The following BTAF1 variants were observed in gnomAD, a reference collection of about 807,000 sequenced individuals.
The protein encoded by BTAF1 is TATA-binding protein-associated factor 172.
In BTAF1, 38 loss-of-function variants were observed where a neutral mutation model predicts 227.1. That is an observed-to-expected ratio of 0.17 (90% CI 0.13 to 0.22). The LOEUF (loss-of-function observed/expected upper bound fraction) is 0.22. Among genes scored for constraint, BTAF1 ranks in the 10% least tolerant of loss-of-function variants. The probability of loss-of-function intolerance (pLI) is 1.00; values close to 1 mark genes in which losing one functional copy is unlikely to be tolerated. For missense variants in BTAF1, 1,598 were observed against 2,204.0 expected, an observed-to-expected ratio of 0.73 and a Z score of 5.51; for synonymous variants, 742 against 751.9, an observed-to-expected ratio of 0.99 and a Z score of 0.21.
chr10:91,973,920 A>G (rs1003202675), intron 14 of BTAF1, among the ~76,000 whole-genome samples: 1 of 151,528 alleles, frequency 6.6e-6, no homozygotes, highest in Non-Finnish European at 1.5e-5. Flanking sequence ...AAAAAAAAAA[A>G]AAAGAAACTT....
At chr10:91,947,893 C>T (rs1208734144) in intron 4 of BTAF1, among the ~76,000 whole-genome samples, 1 of 152,084 alleles carries the variant, frequency 6.6e-6, no homozygotes, top group East Asian at 1.9e-4. Context: ...TTATACTTGA[C>T]AGAATACAAG....
intron 1 of BTAF1, among the ~76,000 whole-genome samples, chr10:91,934,759 C>T (rs1844492985): frequency 6.6e-6 from 1 of 152,170 alleles, no homozygotes; most frequent in African/African-American, 2.4e-5. Flanking sequence ...TAAATATACT[C>T]TCCCTTCTCT....
rs1402747298 is a variant in BTAF1 at position 92,031,262 on chromosome 10, T to G, written c.*2329T>G. Among the ~76,000 whole-genome samples the G allele has an allele frequency of 6.6e-6, 1 of 152,182 alleles. No individual in the cohort carries two copies. Among genetic ancestry groups the G allele is most frequent in the Non-Finnish European group, 1.5e-5 (1 of 68,028 alleles). On this transcript the variant is annotated 3_prime_UTR_variant, in exon 38 of 38. Transcript: ENST00000265990. The stretch of plus-strand genomic sequence containing the variant: ...TATAATTTTTGTTTCATATATTCAC[T>G]CATATATATGCTTATTGTATATGCT...
chr10:92,009,184 C>A lies in BTAF1; in HGVS notation c.4079C>A (p.Thr1360Asn). The A allele has an allele frequency of 6.2e-7, 1 of 1,614,030 alleles. No homozygotes were observed. Among genetic ancestry groups the A allele is most frequent in the Non-Finnish European group, 8.5e-7 (1 of 1,179,950 alleles). Residue 1360 changes from threonine to asparagine, a missense_variant, in exon 28 of 38, where the codon ACT becomes AAT. This residue lies in a region of BTAF1 where 184 missense variants were observed against 341.1 expected (regional missense o/e 0.54). Transcript: ENST00000265990. ...GAATATCTCAACCCGTTGCATTACA[C>A]TGGACCTCCCACTGAAAGAATAAGG... Reference protein sequence around the residue: ...SREYLNPLHYTGPPTERIRLQ... With the variant: ...SREYLNPLHYNGPPTERIRLQ...
At chr10:91,951,259 T>C in intron 4 of BTAF1, 144 bp from the exon 5 acceptor site, 1 of 788,964 alleles carries the variant, frequency 1.3e-6, no homozygotes, top group Non-Finnish European at 1.9e-6. Context: ...ACAGAGTTTA[T>C]GAGATGATCA....
At chr10:91,981,956 A>T in intron 16 of BTAF1, 127 bp from the exon 17 acceptor site, 2 of 1,357,046 alleles carry the variant, frequency 1.5e-6, no homozygotes, top group Middle Eastern at 2.4e-4. Context: ...AGTAATGTTT[A>T]TCCATTAAAA....
At chr10:91,956,717 C>T (rs1167944280) in intron 7 of BTAF1, 60 bp downstream of exon 7, 92 of 1,540,692 alleles carry the variant, frequency 6.0e-5, no homozygotes, top group Non-Finnish European at 7.8e-5. Flanking sequence ...GGGCCAGCAG[C>T]GGTGGCTCAC....
intron 26 of BTAF1, 134 bp downstream of exon 26, chr10:92,008,409 T>TGATTC: frequency 3.5e-6 from 3 of 861,930 alleles, no homozygotes; most frequent in Non-Finnish European, 3.4e-6. Context: ...AGTGGCAGAA[T>TGATTC]CATGGTTCAC....
intron 33 of BTAF1, 100 bp downstream of exon 33, chr10:92,016,565 G>C: frequency 9.8e-7 from 1 of 1,015,788 alleles, no homozygotes; most frequent in East Asian, 3.1e-5. Context: ...TGCAACCTCT[G>C]CCTCCTGGGT....
chr10:91,978,295 TC>T (rs1737537144), intron 14 of BTAF1, among the ~76,000 whole-genome samples: 2 of 152,156 alleles, frequency 1.3e-5, no homozygotes, highest in Admixed American at 1.3e-4. Context: ...GGGAAAATCT[TC>T]CTCTATAGAT....
In BTAF1 at chr10:91,975,674, A is replaced by G. The variant is rs1251331534; in HGVS notation, c.1651-4780A>G. On this transcript the variant is annotated intron_variant, in intron 14 of 37. Transcript: ENST00000265990. ...AGCATTTGATATGCTGGTAGAAATG[A>G]TGAATTGGCCTGCAGGCAAGAATCA... is the stretch of plus-strand genomic sequence containing the variant. Among the ~76,000 whole-genome samples the G allele has an allele frequency of 2.0e-5, 3 of 152,204 alleles. No individual in the cohort carries two copies. The East Asian group carries it at 5.8e-4, about 29-fold the overall frequency.
intron 1 of BTAF1, among the ~76,000 whole-genome samples, chr10:91,929,145 G>A (rs1315842551): frequency 6.6e-6 from 1 of 152,196 alleles, no homozygotes; most frequent in African/African-American, 2.4e-5. Context: ...ATCTGTAGCT[G>A]TGTTGGGAAC....
At position 92,018,719 on chromosome 10, in the gene BTAF1, C is replaced by A. The variant is rs1451724175; in HGVS notation, c.4711-64C>A. 6.1e-6 allele frequency: 8 copies of A among 1,313,586 alleles called. No individual in the cohort carries two copies. In the East Asian group the frequency reaches 1.6e-4, roughly 26 times the overall value. The allele number at this position is 1,313,586 out of a possible 1,614,324, so 81.4% of individuals were successfully genotyped here. On this transcript the variant is annotated intron_variant, in intron 33 of 37. Transcript: ENST00000265990. The stretch of plus-strand genomic sequence containing the variant: ...ATAGGAAATAGCATAGGGAAAGATA[C>A]AGAGATAAAAATATTTGTGATATGC...
chr10:91,959,697 T>TA (rs1205799628), intron 9 of BTAF1, 88 bp from the exon 10 acceptor site: 12 of 604,716 alleles, frequency 2.0e-5, no homozygotes, highest in Non-Finnish European at 2.7e-5. Flanking sequence ...TCTTTGTTTT[T>TA]AAAAAAATTA....
intron 24 of BTAF1, chr10:91,997,102 T>C (rs1435664090): frequency 7.8e-7 from 1 of 1,288,208 alleles, no homozygotes; most frequent in Admixed American, 2.3e-5. Flanking sequence ...GCTCAAAAGA[T>C]GGATGAAGAT....
chr10:91,961,755 G>A (rs1258942187), intron 11 of BTAF1, among the ~76,000 whole-genome samples: 2 of 152,164 alleles, frequency 1.3e-5, no homozygotes, highest in African/African-American at 2.4e-5. Context: ...GAGATTCCTA[G>A]TATATGATCA....
At position 92,008,812 on chromosome 10, in the gene BTAF1, A is replaced by AT. The variant is rs747166196; in HGVS notation, c.3814-12dup. The AT allele has an allele frequency of 1.1e-5, 17 of 1,553,234 alleles. No individual in the cohort carries two copies. The African/African-American group carries it at 2.2e-4, about 20-fold the overall frequency. ...AATTTATGATGTATTCACATTTATG[A>AT]TTTTTCTCTCTATCAGGATGGTGTG... On this transcript the variant is annotated splice_polypyrimidine_tract_variant and intron_variant, in intron 26 of 37. Coordinates refer to ENST00000265990, the MANE Select transcript of BTAF1 (RefSeq NM_003972.3).
chr10:91,968,670 G>C (rs1847088711), intron 14 of BTAF1, among the ~76,000 whole-genome samples: 1 of 152,086 alleles, frequency 6.6e-6, no homozygotes, highest in African/African-American at 2.4e-5. Context: ...AATGAGTGAG[G>C]GTTCCTATTG....
intron 2 of BTAF1, among the ~76,000 whole-genome samples, chr10:91,939,048 A>G (rs769597699): frequency 6.0e-5 from 9 of 150,758 alleles, no homozygotes; most frequent in Non-Finnish European, 8.8e-5. Flanking sequence ...ATAGTATATT[A>G]CTGTTGTAAC....
Sources: allele counts gnomAD v4.1 joint callset (sites outside exome capture counted in the v4.1 genomes callset), GRCh38; gene constraint gnomAD v4.1.1; regional missense constraint gnomAD v4.1.1; transcripts MANE v1.5; gene names NCBI Gene and HGNC (gene_info 2026-07-23, HGNC 2026-07-21).